The following SLC35F4 variants were observed in gnomAD, a reference collection of about 807,000 sequenced individuals.
SLC35F4 encodes the protein solute carrier family 35 member F4, also known as chromosome 14 open reading frame 36.
Under a neutral mutation model 44.2 loss-of-function variants are expected in SLC35F4, and 24 were observed. The observed-to-expected ratio is 0.54, with a 90% CI of 0.39 to 0.76. The LOEUF is 0.76. Ranked by LOEUF, SLC35F4 falls within the 30% of genes least tolerant of loss-of-function variation. SLC35F4 has a pLI of 0.00. For synonymous variants in SLC35F4, 238 were observed against 223.6 expected (o/e 1.06, Z -0.57); for missense variants, 562 against 586.1 (o/e 0.96, Z 0.42).
At chr14:57,949,513 T>A (rs1197567692) in intron 1 of SLC35F4, among the ~76,000 whole-genome samples, 1 of 152,314 alleles carries the variant, frequency 6.6e-6, no homozygotes. Context: ...GTGAAGCATT[T>A]AAGCCATTTG....
At chr14:57,598,829 C>T (rs927508835) in intron 1 of SLC35F4, among the ~76,000 whole-genome samples, 1 of 152,034 alleles carries the variant, frequency 6.6e-6, no homozygotes, top group East Asian at 1.9e-4. Context: ...GTGCCTAAAC[C>T]TAAAGGTAGA....
chr14:57,721,067 A>C (rs2347350), intron 1 of SLC35F4, among the ~76,000 whole-genome samples: 54,951 of 140,902 alleles, frequency 0.39, 10,877 homozygotes, highest in Middle Eastern at 0.41. Flanking sequence ...AGTTCTGACC[A>C]TCTAGAGAAC....
chr14:57,746,086 A>G (rs60196846), intron 1 of SLC35F4, among the ~76,000 whole-genome samples: 54,242 of 149,846 alleles, frequency 0.36, 9,931 homozygotes, highest in African/African-American at 0.42. Context: ...CCTGTCATGG[A>G]GTGGGGGGCA....
At chr14:57,937,825 A>C (rs1004739370) in intron 1 of SLC35F4, among the ~76,000 whole-genome samples, 2 of 152,144 alleles carry the variant, frequency 1.3e-5, no homozygotes, top group African/African-American at 4.8e-5. Flanking sequence ...TTGATGATAA[A>C]GGCCAAAGAA....
intron 1 of SLC35F4, among the ~76,000 whole-genome samples, chr14:57,722,267 G>A (rs2076103507): frequency 6.6e-6 from 1 of 152,146 alleles, no homozygotes; most frequent in Non-Finnish European, 1.5e-5. Flanking sequence ...TTGGTTAGCT[G>A]AAATATGGAT....
intron 1 of SLC35F4, among the ~76,000 whole-genome samples, chr14:57,649,556 T>A (rs192155318): frequency 6.6e-6 from 1 of 152,272 alleles, no homozygotes; most frequent in Admixed American, 6.5e-5. Flanking sequence ...TTTATTCACA[T>A]CTGCAATGTT....
At chr14:57,777,586 A>G (rs1367444243) in intron 1 of SLC35F4, among the ~76,000 whole-genome samples, 2 of 151,978 alleles carry the variant, frequency 1.3e-5, no homozygotes, top group African/African-American at 2.4e-5. Flanking sequence ...ATGAGAACAC[A>G]TGGACACAGG....
intron 1 of SLC35F4, among the ~76,000 whole-genome samples, chr14:57,774,753 T>C (rs1378207570): frequency 6.6e-6 from 1 of 152,178 alleles, no homozygotes; most frequent in East Asian, 1.9e-4. Context: ...CCAGCCCACC[T>C]GCTCCCTCCT....
chr14:57,813,049 T>C (rs968656249), intron 1 of SLC35F4, among the ~76,000 whole-genome samples: 1 of 152,176 alleles, frequency 6.6e-6, no homozygotes, highest in African/African-American at 2.4e-5. Context: ...AGTATTATTA[T>C]CTCTTTTTCT....
intron 1 of SLC35F4, among the ~76,000 whole-genome samples, chr14:57,683,225 G>A (rs2074961466): frequency 6.6e-6 from 1 of 152,152 alleles, no homozygotes; most frequent in South Asian, 2.1e-4. Context: ...AGAAAGGAAT[G>A]TACATCTTAT....
At chr14:57,718,674 A>G (rs955078840) in intron 1 of SLC35F4, among the ~76,000 whole-genome samples, 4 of 152,132 alleles carry the variant, frequency 2.6e-5, no homozygotes, top group Admixed American at 6.6e-5. Context: ...TCTTTTGCCC[A>G]TTTTTAAACT....
chr14:57,693,403 G>A (rs1354463469), intron 1 of SLC35F4, among the ~76,000 whole-genome samples: 2 of 152,024 alleles, frequency 1.3e-5, no homozygotes. Flanking sequence ...AAGGTTGTGG[G>A]TTTACCGGAA....
intron 1 of SLC35F4, among the ~76,000 whole-genome samples, chr14:57,687,321 G>A (rs750508775): frequency 2.0e-5 from 3 of 152,146 alleles, no homozygotes; most frequent in Non-Finnish European, 2.9e-5. Flanking sequence ...ACCATGGGAC[G>A]TATTGAATTA....
Position 57,566,472 on chromosome 14 carries a change from T to C in SLC35F4, c.1216+3A>G, listed in dbSNP as rs2068212010. On this transcript the variant is annotated splice_donor_region_variant and intron_variant, in intron 7 of 7. Coordinates refer to ENST00000556826, the MANE Select transcript of SLC35F4 (RefSeq NM_001306087.2). ...ATCTGCACATGTCACATGGTGCCTGTACCTGCATTTCCAGGAACGCTGAGC... is the reference window on the plus strand; with the variant it reads ...ATCTGCACATGTCACATGGTGCCTGCACCTGCATTTCCAGGAACGCTGAGC... 7 of 1,585,868 alleles carry C rather than the reference T, an allele frequency of 4.4e-6. No individual in the cohort carries two copies. The highest frequency in any genetic ancestry group is 5.1e-6 in the Non-Finnish European group (6 of 1,165,724).
intron 1 of SLC35F4, among the ~76,000 whole-genome samples, chr14:57,709,010 G>T (rs1327275650): frequency 6.6e-6 from 1 of 152,188 alleles, no homozygotes; most frequent in African/African-American, 2.4e-5. Flanking sequence ...GGCAGAGCCA[G>T]GTGTATAGGA....
intron 1 of SLC35F4, among the ~76,000 whole-genome samples, chr14:57,910,329 T>A (rs906379032): frequency 2.0e-5 from 3 of 152,122 alleles, no homozygotes; most frequent in African/African-American, 7.2e-5. Context: ...CAATTACTTC[T>A]TTCATGTATC....
chr14:57,921,535 T>C (rs1192053366), intron 1 of SLC35F4, among the ~76,000 whole-genome samples: 2 of 152,200 alleles, frequency 1.3e-5, no homozygotes, highest in African/African-American at 4.8e-5. Context: ...GAACCACAAA[T>C]TGGTTGGCTT....
chr14:57,625,303 G>A (rs750647110), intron 1 of SLC35F4, among the ~76,000 whole-genome samples: 3 of 152,064 alleles, frequency 2.0e-5, no homozygotes, highest in Admixed American at 2.0e-4. Flanking sequence ...AATAAGAGAG[G>A]ACACAAACAG....
At chr14:57,890,509 C>T (rs809931) in intron 1 of SLC35F4, among the ~76,000 whole-genome samples, 24,557 of 151,798 alleles carry the variant, frequency 0.16, 2,075 homozygotes, top group South Asian at 0.22. Context: ...TTTTGGAGAA[C>T]GCTGAATTTC....
Sources: allele counts gnomAD v4.1 joint callset (sites outside exome capture counted in the v4.1 genomes callset), GRCh38; gene constraint gnomAD v4.1.1; transcripts MANE v1.5; gene names NCBI Gene and HGNC (gene_info 2026-07-23, HGNC 2026-07-21).